Variants in NSD1 observed in about 807,000 individuals in gnomAD.
The protein encoded by NSD1 is nuclear receptor binding SET domain protein 1.
NSD1 carries 26 observed loss-of-function variants against 242.7 expected under a neutral mutation model. The ratio of observed to expected loss-of-function variants is 0.11; its 90% CI spans 0.08 to 0.15. The LOEUF is 0.15. Among genes scored for constraint, NSD1 ranks in the 10% least tolerant of loss-of-function variants. The pLI is 1.00. For synonymous variants in NSD1, 1,106 were observed against 1,178.1 expected (o/e 0.94, Z 1.25); for missense variants, 2,495 against 3,272.8 (o/e 0.76, Z 5.80).
rs2127279881 is a variant in NSD1 at position 177,294,078 on chromosome 5, C to A, written c.6710C>A (p.Ala2237Glu). 1 of 1,614,090 alleles carries A rather than the reference C, an allele frequency of 6.2e-7. No homozygotes were observed. Among genetic ancestry groups the A allele is most frequent in the Non-Finnish European group, 8.5e-7 (1 of 1,180,038 alleles). Residue 2237 changes from alanine (A) to glutamate (E), a missense_variant, in exon 23 of 23, where the codon GCA becomes GAA. Physicochemically the swap from Ala to Glu is moderately radical, Grantham distance 107. This residue lies in a region of NSD1 where 475 missense variants were observed against 563.7 expected (regional missense o/e 0.84). Coordinates refer to ENST00000439151, the MANE Select transcript of NSD1 (RefSeq NM_022455.5). ...PLPPGPSTHLAEQSTGMAAQA... is the reference protein window; with the variant it reads ...PLPPGPSTHLEEQSTGMAAQA... ...CCTCCAGGGCCAAGCACTCACCTGGCAGAGCAATCAACAGGAATGGCTGCT... is the reference window on the plus strand; with the variant it reads ...CCTCCAGGGCCAAGCACTCACCTGGAAGAGCAATCAACAGGAATGGCTGCT...
chr5:177,246,587 T>G, intron 9 of NSD1, 91 bp from the exon 10 acceptor site: 1 of 867,002 alleles, frequency 1.2e-6, no homozygotes, highest in Non-Finnish European at 2.0e-6. Flanking sequence ...TTAAATGAGT[T>G]TTAAGGTTGG....
At position 177,294,485 on chromosome 5, in the gene NSD1, C is replaced by A; in HGVS notation, c.7117C>A (p.Gln2373Lys). The change falls in exon 23 of 23, where the codon CAG (glutamine) becomes AAG (lysine). Residue 2373 changes from glutamine to lysine, a missense_variant. Physicochemically the swap from Gln to Lys is moderately conservative, Grantham distance 53. Coordinates refer to ENST00000439151, the MANE Select transcript of NSD1 (RefSeq NM_022455.5). ...CATAGGTGCTGCCAGCCCAAGGCCC[C>A]AGTCACTGGAGAAAACCTCAGTTCC... ...KSIGAASPRP[Q>K]SLEKTSVPTG... 6.2e-7 allele frequency: 1 copy of A among 1,614,214 alleles called. No homozygotes were observed. The highest frequency in any genetic ancestry group is 8.5e-7 in the Non-Finnish European group (1 of 1,180,042).
intron 8 of NSD1, among the ~76,000 whole-genome samples, chr5:177,240,708 G>A (rs1370894575): frequency 9.9e-5 from 15 of 151,914 alleles, no homozygotes; most frequent in East Asian, 7.8e-4. Context: ...GCGAGACTCC[G>A]TCTCAAAAAA....
Position 177,297,650 on chromosome 5 carries a change from C to A in NSD1, c.*2191C>A. 5.9e-6 allele frequency: 1 copy of A among 169,080 alleles called. No individual in the cohort carries two copies. The highest frequency in any genetic ancestry group is 1.0e-5 in the Non-Finnish European group (1 of 96,666). 10.5% of individuals were successfully genotyped at this position (169,080 alleles called of 1,614,324 possible). ...GTAGCTCTTTGTTTCATGAAATAAA[C>A]TGTGAATTTGGGGGGGGCGGGGGGA... On this transcript the variant is annotated 3_prime_UTR_variant, in exon 23 of 23. Transcript: ENST00000439151.
intron 21 of NSD1, among the ~76,000 whole-genome samples, chr5:177,289,204 C>T (rs1429030313): frequency 6.6e-6 from 1 of 151,882 alleles, no homozygotes; most frequent in Non-Finnish European, 1.5e-5. Context: ...GCTTGTAGTC[C>T]CAGCTACTCA....
Position 177,296,213 on chromosome 5 carries a change from G to A in NSD1, c.*754G>A, listed in dbSNP as rs1297546199. ...CAAGGCTGTTGGCTGTGGGGTCGCC[G>A]CTGCTGCTTTTGTCTGGGCTGTGCA... On this transcript the variant is annotated 3_prime_UTR_variant, in exon 23 of 23. Transcript: ENST00000439151. The A allele has an allele frequency of 2.5e-5, 6 of 235,924 alleles. No individual in the cohort carries two copies. The highest frequency in any genetic ancestry group is 6.6e-5 in the African/African-American group (3 of 45,350). The allele number at this position is 235,924 out of a possible 1,614,324, so 14.6% of individuals were successfully genotyped here.
At chr5:177,194,875 GT>G (rs1761986775) in intron 3 of NSD1, among the ~76,000 whole-genome samples, 1 of 151,512 alleles carries the variant, frequency 6.6e-6, no homozygotes, top group South Asian at 2.1e-4. Flanking sequence ...ACTAGGTTTT[GT>G]GTCTGGGCGC....
In NSD1 at chr5:177,298,017, A is replaced by C; in HGVS notation, c.*2558A>C. ...CCACTGGAAACTAGAAATTTGAGCT[A>C]TTGGGCCCACCAGTAGCAGCATGTG... On this transcript the variant is annotated 3_prime_UTR_variant, in exon 23 of 23. Transcript: ENST00000439151. The C allele has an allele frequency of 4.3e-6, 1 of 232,676 alleles. No homozygotes were observed. The highest frequency in any genetic ancestry group is 8.5e-6 in the Non-Finnish European group (1 of 117,936). The allele number at this position is 232,676 out of a possible 1,614,324, so 14.4% of individuals were successfully genotyped here. A position where few individuals can be genotyped will look rare whatever the true frequency, so the allele number is the denominator to read the frequency against.
At chr5:177,257,696 G>A (rs1370690567) in intron 13 of NSD1, among the ~76,000 whole-genome samples, 4 of 152,168 alleles carry the variant, frequency 2.6e-5, no homozygotes, top group African/African-American at 7.2e-5. Context: ...CAATGTGGTC[G>A]TGTGGTAGGG....
chr5:177,249,149 C>G (rs911698377), intron 11 of NSD1, among the ~76,000 whole-genome samples: 5 of 152,014 alleles, frequency 3.3e-5, no homozygotes, highest in Admixed American at 6.6e-5. Context: ...TCTTGATTTA[C>G]CTATGTAATT....
chr5:177,137,144 C>G, intron 2 of NSD1: 1 of 389,262 alleles, frequency 2.6e-6, no homozygotes, highest in Non-Finnish European at 4.5e-6. Context: ...GCTAAATGAT[C>G]AGTTCACTTC....
intron 20 of NSD1, among the ~76,000 whole-genome samples, chr5:177,288,201 A>AT (rs746176426): frequency 3.3e-5 from 5 of 152,232 alleles, no homozygotes; most frequent in Non-Finnish European, 7.3e-5. Context: ...TTGCCTGTTA[A>AT]TTTGAGTACC....
At chr5:177,197,888 T>C (rs1248426827) in intron 3 of NSD1, among the ~76,000 whole-genome samples, 1 of 152,090 alleles carries the variant, frequency 6.6e-6, no homozygotes, top group Non-Finnish European at 1.5e-5. Context: ...TTCATTGAGG[T>C]AGAAGTTAGA....
At chr5:177,266,602 T>A in intron 14 of NSD1, 1 of 647,142 alleles carries the variant, frequency 1.5e-6, no homozygotes, top group Non-Finnish European at 2.3e-6. Flanking sequence ...CACCCGCACC[T>A]ACTCCTCTTC....
Position 177,210,099 on chromosome 5 carries a change from G to C in NSD1, c.1700G>C (p.Ser567Thr), listed in dbSNP as rs1376515519. 1.9e-6 allele frequency: 3 copies of C among 1,613,546 alleles called. No homozygotes were observed. The highest frequency in any genetic ancestry group is 2.5e-6 in the Non-Finnish European group (3 of 1,179,830). ...SLTGSNTAPG[S>T]FLFSSCGKNT... ...ACAGGGTCCAACACTGCCCCAGGAA[G>C]TTTTCTGTTTTCTTCCTGTGGAAAA... is the stretch of plus-strand genomic sequence containing the variant. The change falls in exon 5 of 23, where the codon AGT becomes ACT. Residue 567 changes from serine (S) to threonine (T), a missense_variant. This residue lies in a region of NSD1 where 515 missense variants were observed against 467.0 expected (regional missense o/e 1.10). Transcript: ENST00000439151.
intron 5 of NSD1, among the ~76,000 whole-genome samples, chr5:177,217,325 C>T (rs897751526): frequency 6.6e-6 from 1 of 151,954 alleles, no homozygotes; most frequent in African/African-American, 2.4e-5. Context: ...TAGAAATGTT[C>T]AGGTTTAATT....
chr5:177,161,158 A>G (rs892288159), intron 2 of NSD1, among the ~76,000 whole-genome samples: 6 of 152,040 alleles, frequency 3.9e-5, no homozygotes, highest in Middle Eastern at 3.4e-3. Flanking sequence ...CTGAGGTGGG[A>G]GTCTAGCTTG....
At chr5:177,204,030 C>T in intron 3 of NSD1, 90 bp from the exon 4 acceptor site, 1 of 1,268,888 alleles carries the variant, frequency 7.9e-7, no homozygotes. Context: ...TCCAGACAGT[C>T]TTCTTTGGCG....
rs1373264642 is a variant in NSD1 at position 177,135,794 on chromosome 5, C to T, written c.691C>T (p.Pro231Ser). The T allele has an allele frequency of 3.1e-6, 5 of 1,611,718 alleles. No homozygotes were observed. Among genetic ancestry groups the T allele is most frequent in the African/African-American group, 1.3e-5 (1 of 74,934 alleles). ...CAAATCGCCATTCTTGCCATTAGCT[C>T]CTCAGACTGAAACACAGAAAAATAA... is the stretch of plus-strand genomic sequence containing the variant. Reference protein sequence around the residue: ...AVKSPFLPLAPQTETQKNKQR... With the variant: ...AVKSPFLPLASQTETQKNKQR... The change falls in exon 2 of 23, where the codon CCT becomes TCT. Residue 231 changes from proline to serine, a missense_variant. By Grantham distance (74) the Pro-to-Ser change is moderately conservative. This residue lies in a region of NSD1 where 376 missense variants were observed against 367.4 expected (regional missense o/e 1.02). Transcript: ENST00000439151.
Sources: gnomAD v4.1 joint callset for allele counts (sites outside exome capture counted in the v4.1 genomes callset) on GRCh38, gnomAD v4.1.1 for gene constraint, gnomAD v4.1.1 regional missense constraint, MANE v1.5 for transcripts, NCBI Gene and HGNC (gene_info 2026-07-23, HGNC 2026-07-21) for gene names.